Variants in POLQ observed in about 807,000 individuals in gnomAD.
POLQ encodes epididymis secretory sperm binding protein.
A neutral mutation model predicts 259.2 loss-of-function variants in POLQ; 233 were observed. The ratio of observed to expected loss-of-function variants is 0.90; its 90% confidence interval spans 0.81 to 1.00. The LOEUF is 1.00. Among genes scored for constraint, POLQ ranks in the 50% least tolerant of loss-of-function variants. The pLI is 0.00. For synonymous variants in POLQ, 1,025 were observed against 1,048.8 expected, an observed-to-expected ratio of 0.98 and a Z score of 0.44; for missense variants, 2,871 against 3,051.6, an observed-to-expected ratio of 0.94 and a Z score of 1.39.
At chr3:121,453,620 A>C (rs2047701118) in intron 25 of POLQ, among the ~76,000 whole-genome samples, 1 of 152,254 alleles carries the variant, frequency 6.6e-6, no homozygotes, top group Non-Finnish European at 1.5e-5. Context: ...CGATGCGATC[A>C]ACTGGAAGAA....
At chr3:121,457,146 T>C (rs1190425777) in intron 25 of POLQ, among the ~76,000 whole-genome samples, 2 of 152,200 alleles carry the variant, frequency 1.3e-5, no homozygotes, top group Admixed American at 6.5e-5. Flanking sequence ...GGATTCCCTA[T>C]TTAATAAATG....
intron 7 of POLQ, among the ~76,000 whole-genome samples, chr3:121,526,905 ACGTG>A (rs1560107347): frequency 6.6e-6 from 1 of 151,760 alleles, no homozygotes; most frequent in African/African-American, 2.4e-5. Context: ...GCGCGCACGC[ACGTG>A]CATCTGTGGC....
chr3:121,437,285 G>T (rs1368031292), intron 27 of POLQ, among the ~76,000 whole-genome samples: 1 of 152,116 alleles, frequency 6.6e-6, no homozygotes, highest in Non-Finnish European at 1.5e-5. Context: ...CACAATGTAG[G>T]AGAGAATATT....
intron 3 of POLQ, among the ~76,000 whole-genome samples, 154 bp from the exon 4 acceptor site, chr3:121,539,743 T>C (rs1028851024): frequency 6.6e-6 from 1 of 152,244 alleles, no homozygotes; most frequent in African/African-American, 2.4e-5. Context: ...TGGTTCTTTT[T>C]AGATCATATA....
intron 25 of POLQ, among the ~76,000 whole-genome samples, chr3:121,456,702 A>T (rs2047741980): frequency 6.6e-6 from 1 of 151,988 alleles, no homozygotes; most frequent in East Asian, 1.9e-4. Context: ...CTTCAAGGAG[A>T]ACTACAAACC....
At chr3:121,485,393 A>T (rs1337856283) in intron 16 of POLQ, among the ~76,000 whole-genome samples, 1 of 152,224 alleles carries the variant, frequency 6.6e-6, no homozygotes, top group Non-Finnish European at 1.5e-5. Flanking sequence ...AAAGCTATCA[A>T]GGATTTGTTA....
At chr3:121,508,553 G>A (rs1260731804) in intron 12 of POLQ, among the ~76,000 whole-genome samples, 1 of 152,180 alleles carries the variant, frequency 6.6e-6, no homozygotes, top group Non-Finnish European at 1.5e-5. Flanking sequence ...CTCAGCCACT[G>A]TATAATAAAT....
At chr3:121,493,215 T>A (rs576172245) in intron 15 of POLQ, among the ~76,000 whole-genome samples, 2 of 151,662 alleles carry the variant, frequency 1.3e-5, no homozygotes, top group African/African-American at 4.8e-5. Flanking sequence ...GGCAGGAGAA[T>A]CGCTTGAACC....
At chr3:121,443,929 T>C (rs940774857) in intron 26 of POLQ, among the ~76,000 whole-genome samples, 2 of 152,176 alleles carry the variant, frequency 1.3e-5, no homozygotes. Flanking sequence ...TTCTCTATTC[T>C]GTTCTACTGA....
rs560233027 is a variant in POLQ, at chr3:121,533,470, T to C, written c.741-261A>G. Among the ~76,000 whole-genome samples, 3 of 152,330 alleles carry C rather than the reference T, an allele frequency of 2.0e-5. No individual in the cohort carries two copies. In the South Asian group the frequency reaches 6.2e-4, roughly 32 times the overall value. On this transcript the variant is annotated intron_variant, in intron 5 of 29. Transcript: ENST00000264233. ...ATTGTTCCATAATCTTGTCACCACT[T>C]GGTATTGTCAATCTTTTTAATGTTG...
chr3:121,460,905 A>G (rs1180254254), intron 24 of POLQ, among the ~76,000 whole-genome samples: 2 of 152,264 alleles, frequency 1.3e-5, no homozygotes, highest in Non-Finnish European at 2.9e-5. Flanking sequence ...AAGAAAAATT[A>G]GAAAAATATT....
intron 6 of POLQ, among the ~76,000 whole-genome samples, chr3:121,532,389 A>C (rs1326149452): frequency 3.3e-5 from 5 of 152,226 alleles, no homozygotes; most frequent in African/African-American, 9.6e-5. Flanking sequence ...TCCCAGTAAA[A>C]AGAAAACGCT....
In POLQ at chr3:121,498,454, A is replaced by T. The variant is rs759884062; in HGVS notation, c.2153+23T>A. The T allele has an allele frequency of 1.9e-6, 3 of 1,572,174 alleles. No homozygotes were observed. The South Asian group carries it at 3.4e-5, about 18-fold the overall frequency. On this transcript the variant is annotated intron_variant, in intron 13 of 29. Coordinates refer to ENST00000264233, the MANE Select transcript of POLQ (RefSeq NM_199420.4). ...CAAGACACTGTGTTAAATACCGGAG[A>T]GCCCAGAGACCTTGACGTTTACCTT...
In POLQ at chr3:121,490,375, T is replaced by C. The variant is rs2048057877; in HGVS notation, c.2556A>G (p.Ala852=). 2 of 1,614,100 alleles carry C rather than the reference T, an allele frequency of 1.2e-6. No homozygotes were observed. Among genetic ancestry groups the C allele is most frequent in the African/African-American group, 1.3e-5 (1 of 74,952 alleles). Residue 852 remains alanine (A), a synonymous_variant, in exon 16 of 30, where the codon GCA becomes GCG. Transcript: ENST00000264233. ...TTCGCATATTGCGACGTTCTTCAAC[T>C]GCTTCCTCTTCCTCATCCACTGCCT... ...ARKAVDEEEE[A]VEERRNMRTI...
intron 25 of POLQ, among the ~76,000 whole-genome samples, chr3:121,458,715 T>G (rs139976745): frequency 3.6e-4 from 55 of 152,070 alleles, no homozygotes; most frequent in African/African-American, 1.3e-3. Context: ...GCTAAACAGG[T>G]GGTTAGAGAA....
At chr3:121,436,019 A>G (rs1252050525) in intron 28 of POLQ, 103 bp downstream of exon 28, 1 of 982,398 alleles carries the variant, frequency 1.0e-6, no homozygotes, top group Non-Finnish European at 1.5e-6. Flanking sequence ...AGACCAAAAC[A>G]TTTGAGAACT....
At chr3:121,513,020 T>C (rs1258044178) in intron 9 of POLQ, among the ~76,000 whole-genome samples, 1 of 152,190 alleles carries the variant, frequency 6.6e-6, no homozygotes, top group Non-Finnish European at 1.5e-5. Context: ...CAAACTATTA[T>C]TGCAACAATT....
At chr3:121,541,627 T>G in intron 2 of POLQ, 148 bp from the exon 3 acceptor site, 1 of 636,780 alleles carries the variant, frequency 1.6e-6, no homozygotes, top group East Asian at 2.7e-5. Flanking sequence ...CTTTATACCC[T>G]GAAATGCCCT....
intron 7 of POLQ, among the ~76,000 whole-genome samples, chr3:121,525,426 A>C (rs2048366404): frequency 6.6e-6 from 1 of 152,094 alleles, no homozygotes; most frequent in Non-Finnish European, 1.5e-5. Context: ...CTCCATCTTC[A>C]TCATCTTTAC....
Sources: gnomAD v4.1 joint callset for allele counts (sites outside exome capture counted in the v4.1 genomes callset) on GRCh38, gnomAD v4.1.1 for gene constraint, MANE v1.5 for transcripts, NCBI Gene and HGNC (gene_info 2026-07-23, HGNC 2026-07-21) for gene names.